EPHA5: variants seen among roughly 807,000 people sequenced by gnomAD.
EPHA5 encodes the protein EPH receptor A5.
A neutral mutation model predicts 105.0 loss-of-function variants in EPHA5; 60 were observed. The observed-to-expected ratio is 0.57, with a 90% confidence interval of 0.46 to 0.71. The LOEUF (loss-of-function observed/expected upper bound fraction) is 0.71, where lower values mean the gene tolerates loss of function less well. Among genes scored for constraint, EPHA5 ranks in the 30% least tolerant of loss-of-function variants. EPHA5 has a pLI of 0.00. For missense variants in EPHA5, 1,218 were observed against 1,274.7 expected (o/e 0.96, Z 0.68); for synonymous variants, 513 against 449.1 (o/e 1.14, Z -1.80).
intron 16 of EPHA5, 98 bp downstream of exon 16, chr4:65,331,875 C>T (rs2148797266): frequency 6.8e-7 from 1 of 1,470,576 alleles, no homozygotes; most frequent in Admixed American, 2.4e-5. Context: ...CACACATCCG[C>T]AAAGGTTAAC....
chr4:65,619,089 A>C (rs1337200959), intron 2 of EPHA5, among the ~76,000 whole-genome samples: 1 of 152,174 alleles, frequency 6.6e-6, no homozygotes, highest in Non-Finnish European at 1.5e-5. Flanking sequence ...CAGAGGTTGC[A>C]GTGAGCAGAG....
At chr4:65,559,564 A>G (rs533582462) in intron 3 of EPHA5, among the ~76,000 whole-genome samples, 3 of 152,264 alleles carry the variant, frequency 2.0e-5, no homozygotes, top group Non-Finnish European at 2.9e-5. Context: ...CAGTGTGACC[A>G]CGGACATTTC....
rs115017873 is a variant in EPHA5, at chr4:65,392,307, C to A, written c.1793+12067G>T. Among the ~76,000 whole-genome samples the A allele has an allele frequency of 5.7e-3, 864 of 152,200 alleles. 6 individuals are homozygous for A. The highest frequency in any genetic ancestry group is 0.02 in the African/African-American group (827 of 41,554). On this transcript the variant is annotated intron_variant, in intron 8 of 16. Transcript: ENST00000613740. ...TTTTTCCAGTTTTACAAAGTCACAT[C>A]TATTGCTAACTCATAAGCTTCTGAG...
chr4:65,393,503 C>A (rs1444774168), intron 8 of EPHA5, among the ~76,000 whole-genome samples: 1 of 152,228 alleles, frequency 6.6e-6, no homozygotes, highest in East Asian at 1.9e-4. Flanking sequence ...GCCTCTCCTT[C>A]TTAGCTGACT....
intron 16 of EPHA5, chr4:65,331,234 G>A (rs1177410251): frequency 9.7e-7 from 1 of 1,029,328 alleles, no homozygotes; most frequent in East Asian, 5.8e-5. Flanking sequence ...CATAAAGACA[G>A]TTAATTTTCA....
chr4:65,648,422 A>G (rs1042046970), intron 1 of EPHA5, among the ~76,000 whole-genome samples: 1 of 152,220 alleles, frequency 6.6e-6, no homozygotes, highest in Non-Finnish European at 1.5e-5. Flanking sequence ...AAGATAGATC[A>G]AGGACATGTG....
intron 8 of EPHA5, among the ~76,000 whole-genome samples, chr4:65,399,866 G>T (rs990401441): frequency 4.6e-5 from 7 of 152,038 alleles, no homozygotes; most frequent in Admixed American, 6.6e-5. Flanking sequence ...ATTGAGAAAG[G>T]TTCCAAAAAG....
At chr4:65,600,928 T>C (rs950587487) in intron 3 of EPHA5, among the ~76,000 whole-genome samples, 7 of 151,826 alleles carry the variant, frequency 4.6e-5, no homozygotes, top group Non-Finnish European at 1.0e-4. Flanking sequence ...GAAGCATGCA[T>C]GATCAAGTTT....
intron 1 of EPHA5, among the ~76,000 whole-genome samples, chr4:65,650,509 G>A (rs1202151905): frequency 2.8e-5 from 4 of 144,232 alleles, no homozygotes; most frequent in Non-Finnish European, 4.5e-5. Context: ...GCAGTGAGCC[G>A]AGATCGCGCC....
intron 13 of EPHA5, among the ~76,000 whole-genome samples, chr4:65,348,973 G>C (rs1025671510): frequency 6.6e-6 from 1 of 150,500 alleles, no homozygotes; most frequent in Non-Finnish European, 1.5e-5. Flanking sequence ...GCGCTATCAT[G>C]CCTGGCTAAT....
intron 5 of EPHA5, among the ~76,000 whole-genome samples, chr4:65,453,552 T>A (rs1727269005): frequency 6.6e-6 from 1 of 152,086 alleles, no homozygotes; most frequent in South Asian, 2.1e-4. Flanking sequence ...CTTAAGCACG[T>A]TCATTAAGAA....
intron 5 of EPHA5, among the ~76,000 whole-genome samples, chr4:65,451,085 T>G (rs992310021): frequency 8.5e-5 from 13 of 152,116 alleles, no homozygotes; most frequent in African/African-American, 3.1e-4. Flanking sequence ...CTAGAGACTG[T>G]TGAGAAGTGC....
chr4:65,610,777 A>G (rs1460309200), intron 2 of EPHA5, among the ~76,000 whole-genome samples: 1 of 152,124 alleles, frequency 6.6e-6, no homozygotes. Flanking sequence ...GTCAGTAATG[A>G]GTGCCATGAG....
chr4:65,408,699 G>A (rs1465359817), intron 7 of EPHA5, among the ~76,000 whole-genome samples: 12 of 152,118 alleles, frequency 7.9e-5, no homozygotes, highest in Admixed American at 1.3e-4. Flanking sequence ...AACAGGTGCT[G>A]GAGAGGATGT....
intron 3 of EPHA5, among the ~76,000 whole-genome samples, chr4:65,581,577 A>G (rs1282340500): frequency 6.6e-6 from 1 of 151,716 alleles, no homozygotes; most frequent in Non-Finnish European, 1.5e-5. Context: ...TTTTCACTTG[A>G]CAATTTTATA....
chr4:65,637,655 T>C (rs1747267182), intron 2 of EPHA5, among the ~76,000 whole-genome samples: 1 of 148,624 alleles, frequency 6.7e-6, no homozygotes, highest in African/African-American at 2.5e-5. Flanking sequence ...AGCATTAACA[T>C]AGAAATGCAA....
At chr4:65,338,343 TAA>T (rs1056675213) in intron 14 of EPHA5, among the ~76,000 whole-genome samples, 11 of 152,268 alleles carry the variant, frequency 7.2e-5, no homozygotes, top group Middle Eastern at 6.8e-3. Context: ...ATAAATGGCT[TAA>T]GTCATGTAAT....
At chr4:65,329,268 A>G (rs1720372335) in intron 16 of EPHA5, among the ~76,000 whole-genome samples, 1 of 151,362 alleles carries the variant, frequency 6.6e-6, no homozygotes, top group Non-Finnish European at 1.5e-5. Context: ...AAACAGTAGC[A>G]GACAAACACA....
At chr4:65,513,408 T>C (rs1453259529) in intron 3 of EPHA5, among the ~76,000 whole-genome samples, 1 of 152,042 alleles carries the variant, frequency 6.6e-6, no homozygotes, top group Non-Finnish European at 1.5e-5. Flanking sequence ...TTTTTCTGAG[T>C]TGGAGTCTCG....
Sources: gnomAD v4.1 joint callset for allele counts (sites outside exome capture counted in the v4.1 genomes callset) on GRCh38, gnomAD v4.1.1 for gene constraint, MANE v1.5 for transcripts, NCBI Gene and HGNC (gene_info 2026-07-23, HGNC 2026-07-21) for gene names.